The following PCDHGB3 variants were observed in gnomAD, a reference collection of about 807,000 sequenced individuals.
PCDHGB3 encodes the protein protocadherin gamma-B3.
PCDHGB3 carries 40 observed loss-of-function variants against 59.2 expected under a neutral mutation model. That is an observed-to-expected ratio of 0.68 (90% confidence interval 0.52 to 0.88). The LOEUF is 0.88. Ranked by LOEUF, PCDHGB3 falls within the 40% of genes least tolerant of loss-of-function variation. The probability of loss-of-function intolerance (pLI) is 0.00; values close to 1 mark genes in which losing one functional copy is unlikely to be tolerated. For synonymous variants in PCDHGB3, 581 were observed against 503.6 expected (o/e 1.15, Z -2.06); for missense variants, 1,309 against 1,187.9 (o/e 1.10, Z -1.50).
At chr5:141,385,492 A>T in intron 1 of PCDHGB3, 15 of 1,394,884 alleles carry the variant, frequency 1.1e-5, no homozygotes, top group Non-Finnish European at 1.4e-5. Flanking sequence ...AACACATAGG[A>T]TATAGTATTT....
intron 1 of PCDHGB3, chr5:141,410,849 CTTTT>C (rs759346998): frequency 4.9e-3 from 673 of 137,520 alleles, no homozygotes; most frequent in South Asian, 8.7e-3. Flanking sequence ...TTGTCTTTGT[CTTTT>C]TTTTTTTTTT....
In PCDHGB3 at chr5:141,476,529, A is replaced by G. The variant is rs752442904; in HGVS notation, c.2416-18278A>G. On this transcript the variant is annotated intron_variant, in intron 1 of 3. Coordinates refer to ENST00000576222, the MANE Select transcript of PCDHGB3 (RefSeq NM_018924.5). The surrounding 1 kb of genome is among the most constrained non-coding windows in gnomAD (Gnocchi z 7.6). ...GACAACAATCCTGCTTTCCCTACCCAGGAAATGAAATTGGAGATTAGCGAG... is the reference window on the plus strand; with the variant it reads ...GACAACAATCCTGCTTTCCCTACCCGGGAAATGAAATTGGAGATTAGCGAG... 2.8e-5 allele frequency: 46 copies of G among 1,614,198 alleles called. No individual in the cohort carries two copies. Among genetic ancestry groups the G allele is most frequent in the Non-Finnish European group, 3.8e-5 (45 of 1,180,044 alleles).
At chr5:141,394,861 A>G in intron 1 of PCDHGB3, 1 of 1,613,390 alleles carries the variant, frequency 6.2e-7, no homozygotes. Flanking sequence ...CCTTCGGTCG[A>G]CCCGAACGAT....
At chr5:141,497,904 A>G (rs939422338) in intron 2 of PCDHGB3, among the ~76,000 whole-genome samples, 2 of 152,136 alleles carry the variant, frequency 1.3e-5, no homozygotes, top group African/African-American at 2.4e-5. Context: ...AGTAACTTCA[A>G]CTTCTCTCCT....
At chr5:141,414,964 G>C (rs1245472476) in intron 1 of PCDHGB3, 11 of 1,613,874 alleles carry the variant, frequency 6.8e-6, no homozygotes, top group Non-Finnish European at 9.3e-6. Context: ...CAAGGTGGTG[G>C]CGGTGGACAG....
chr5:141,500,400 G>A (rs2099799942), intron 2 of PCDHGB3, among the ~76,000 whole-genome samples: 1 of 151,666 alleles, frequency 6.6e-6, no homozygotes, highest in East Asian at 1.9e-4. Context: ...TAGTAGAGAC[G>A]GGGTTTCACC....
At chr5:141,409,069 A>G (rs886525915) in intron 1 of PCDHGB3, 5 of 1,614,008 alleles carry the variant, frequency 3.1e-6, no homozygotes, top group Non-Finnish European at 4.2e-6. Context: ...AGAGCACAAA[A>G]CATATGTTCT....
rs201424832 is a variant in PCDHGB3 at position 141,490,802 on chromosome 5, C to T, written c.2416-4005C>T. On this transcript the variant is annotated intron_variant, in intron 1 of 3. Transcript: ENST00000576222. This position sits in a 1 kb window ranked among gnomAD's most constrained non-coding sequence, Gnocchi z 5.4. Reference sequence around the variant, plus strand: ...GATGGACGGATCTTTGCCCAGCGTACCTTTGACTATGAATTGCTGCAGATG... The same window carrying T: ...GATGGACGGATCTTTGCCCAGCGTATCTTTGACTATGAATTGCTGCAGATG... 1 of 1,613,944 alleles carries T rather than the reference C, an allele frequency of 6.2e-7. No homozygotes were observed. Among genetic ancestry groups the T allele is most frequent in the East Asian group, 2.2e-5 (1 of 44,886 alleles).
At position 141,511,216 on chromosome 5, in the gene PCDHGB3, C is replaced by G. The variant is rs374915167; in HGVS notation, c.*43C>G. Reference sequence around the variant, plus strand: ...GAGCCACAGGGCGGCCTCTCCCCAACCAGCCCAGCTTCTCCTTACCTGCAC... The same window carrying G: ...GAGCCACAGGGCGGCCTCTCCCCAAGCAGCCCAGCTTCTCCTTACCTGCAC... On this transcript the variant is annotated 3_prime_UTR_variant, in exon 4 of 4. Coordinates refer to ENST00000576222, the MANE Select transcript of PCDHGB3 (RefSeq NM_018924.5). 4.2e-5 allele frequency: 68 copies of G among 1,608,004 alleles called. No individual in the cohort carries two copies. The highest frequency in any genetic ancestry group is 6.7e-5 in the East Asian group (3 of 44,538).
At chr5:141,395,110 GTCACCTGATCTT>G in intron 1 of PCDHGB3, 2 of 1,614,214 alleles carry the variant, frequency 1.2e-6, no homozygotes, top group African/African-American at 1.3e-5. Flanking sequence ...TCGCGGAAGA[GTCACCTGATCTT>G]TCCCCAGCCC....
chr5:141,398,740 C>T, intron 1 of PCDHGB3: 1 of 1,613,864 alleles, frequency 6.2e-7, no homozygotes, highest in Non-Finnish European at 8.5e-7. Flanking sequence ...CCGGGAACAA[C>T]AGAGTTACCA....
chr5:141,426,733 G>A (rs62378459), intron 1 of PCDHGB3: 13,670 of 449,336 alleles, frequency 0.03, 288 homozygotes, highest in Middle Eastern at 0.11. Context: ...CCAGGCATTC[G>A]GTTTGGCCTG....
intron 2 of PCDHGB3, among the ~76,000 whole-genome samples, chr5:141,497,977 G>A (rs1368982839): frequency 6.6e-6 from 1 of 152,216 alleles, no homozygotes; most frequent in Admixed American, 6.5e-5. Context: ...CTCGATGTGG[G>A]AGGCCCCTGC....
chr5:141,460,455 A>AT (rs2098989699), intron 1 of PCDHGB3, among the ~76,000 whole-genome samples: 1 of 152,080 alleles, frequency 6.6e-6, no homozygotes, highest in Non-Finnish European at 1.5e-5. Flanking sequence ...GAAGATTCAT[A>AT]TTTTTTTCCA....
chr5:141,454,798 T>A (rs866302149), intron 1 of PCDHGB3, among the ~76,000 whole-genome samples: 2 of 58,950 alleles, frequency 3.4e-5, no homozygotes, highest in Non-Finnish European at 6.4e-5. Context: ...TGGTTCTAAT[T>A]TTTTTTTTTT....
rs979750945 is a variant in PCDHGB3 at position 141,478,807 on chromosome 5, A to G, written c.2416-16000A>G. The G allele has an allele frequency of 3.4e-6, 5 of 1,459,258 alleles. No homozygotes were observed. The African/African-American group carries it at 5.7e-5, about 17-fold the overall frequency. 90.4% of individuals were successfully genotyped at this position (1,459,258 alleles called of 1,614,324 possible). On this transcript the variant is annotated intron_variant, in intron 1 of 3. Transcript: ENST00000576222. The stretch of plus-strand genomic sequence containing the variant: ...TTCACATCCTCAGCACTCTTTTGCT[A>G]TCACAACTAACCAATCTTGCTAAGG...
chr5:141,389,343 T>TACTG, intron 1 of PCDHGB3: 1 of 1,613,992 alleles, frequency 6.2e-7, no homozygotes, highest in Non-Finnish European at 8.5e-7. Flanking sequence ...CCAAGTCTCT[T>TACTG]ACTGCATCAT....
intron 1 of PCDHGB3, among the ~76,000 whole-genome samples, chr5:141,454,628 A>C (rs1008375225): frequency 1.3e-4 from 19 of 151,334 alleles, no homozygotes; most frequent in African/African-American, 4.4e-4. Context: ...CTGGTCTCGA[A>C]CCCCCAACCT....
At position 141,477,758 on chromosome 5, in the gene PCDHGB3, G is replaced by A; in HGVS notation, c.2416-17049G>A. 2 of 1,613,924 alleles carry A rather than the reference G, an allele frequency of 1.2e-6. No homozygotes were observed. The highest frequency in any genetic ancestry group is 1.7e-5 in the Admixed American group (1 of 60,022). On this transcript the variant is annotated intron_variant, in intron 1 of 3. Transcript: ENST00000576222. The surrounding 1 kb of genome is among the most constrained non-coding windows in gnomAD (Gnocchi z 4.9). ...CAGCGATGGGGGCACCCCGGTCCTA[G>A]CCACCAACATCAGCGTGAACATATT...
Sources: allele counts gnomAD v4.1 joint callset (sites outside exome capture counted in the v4.1 genomes callset), GRCh38; gene constraint gnomAD v4.1.1; non-coding constraint Gnocchi (gnomAD v3.1); transcripts MANE v1.5; gene names NCBI Gene and HGNC (gene_info 2026-07-23, HGNC 2026-07-21).